ELSPBP1: variants seen among roughly 807,000 people sequenced by gnomAD.
ELSPBP1 encodes epididymal sperm-binding protein 1.
ELSPBP1 carries 38 observed loss-of-function variants against 33.3 expected under a neutral mutation model. That is an observed-to-expected ratio of 1.14 (90% confidence interval 0.88 to 1.50). The LOEUF (loss-of-function observed/expected upper bound fraction) is 1.50. Among genes scored for constraint, ELSPBP1 ranks in the 40% most tolerant of loss-of-function variants. The pLI, the probability that ELSPBP1 is intolerant of heterozygous loss-of-function variation, is 0.00. For synonymous variants in ELSPBP1, 85 were observed against 94.1 expected (o/e 0.90, Z 0.56); for missense variants, 267 against 263.5 (o/e 1.01, Z -0.09).
At position 48,014,284 on chromosome 19, in the gene ELSPBP1, C is replaced by T; in HGVS notation, c.184C>T (p.Gln62Ter). 6.2e-7 allele frequency: 1 copy of T among 1,613,722 alleles called. No homozygotes were observed. The highest frequency in any genetic ancestry group is 8.5e-7 in the Non-Finnish European group (1 of 1,179,972). Residue 62 changes from glutamine (Q) to a stop codon, truncating the protein, a stop_gained, in exon 3 of 7, where the codon CAG (glutamine) becomes TAG (stop). Coordinates refer to ENST00000339841, the MANE Select transcript of ELSPBP1 (RefSeq NM_022142.5). LOFTEE classifies it high-confidence loss of function. ...TGCCACCAGAGCCGTGTACAACGGC[C>T]AGTGGAAGTACTGCCAGAGTGAAGG... Reference protein sequence around the residue: ...WCATRAVYNGQWKYCQSEDYP... With the variant: ...WCATRAVYNG
At chr19:48,020,539 A>G (rs142824532) in intron 5 of ELSPBP1, among the ~76,000 whole-genome samples, 4 of 152,304 alleles carry the variant, frequency 2.6e-5, no homozygotes, top group Non-Finnish European at 5.9e-5. Context: ...CAGAAGCGTC[A>G]TGAGTGTCGA....
chr19:48,015,541 C>T (rs1459659766), intron 3 of ELSPBP1, among the ~76,000 whole-genome samples: 3 of 151,956 alleles, frequency 2.0e-5, no homozygotes, highest in Non-Finnish European at 1.5e-5. Context: ...ATCTGTAATC[C>T]CAGCTACTCG....
intron 2 of ELSPBP1, 45 bp from the exon 3 acceptor site, chr19:48,014,126 C>A: frequency 6.3e-7 from 1 of 1,598,050 alleles, no homozygotes; most frequent in Non-Finnish European, 8.5e-7. Flanking sequence ...TTTGCTAATT[C>A]ATCGTGATTC....
chr19:48,016,455 C>T lies in ELSPBP1; in HGVS notation c.355+416C>T, dbSNP rs975035366. Among the ~76,000 whole-genome samples the T allele has an allele frequency of 2.4e-5, 3 of 122,566 alleles. 1 individual carries two copies. The South Asian group carries it at 9.0e-4, about 37-fold the overall frequency. 80.4% of individuals were successfully genotyped at this position (122,566 alleles called of 152,430 possible). On this transcript the variant is annotated intron_variant, in intron 4 of 6. Transcript: ENST00000339841. ...TCCTCCCTCCCTCCCTTTTCTCTTT[C>T]TTTTCTTTCCTTCTTTCTTTCTTTC...
intron 1 of ELSPBP1, among the ~76,000 whole-genome samples, chr19:48,008,173 AAC>A (rs946846175): frequency 6.6e-6 from 1 of 152,072 alleles, no homozygotes; most frequent in African/African-American, 2.4e-5. Flanking sequence ...CACATGTAGA[AAC>A]ACACACACAT....
In ELSPBP1 at chr19:48,011,269, A is replaced by G. The variant is rs945441069; in HGVS notation, c.70+2532A>G. On this transcript the variant is annotated intron_variant, in intron 2 of 6. Coordinates refer to ENST00000339841, the MANE Select transcript of ELSPBP1 (RefSeq NM_022142.5). This position sits in a 1 kb window ranked among gnomAD's most constrained non-coding sequence, Gnocchi z 4.5. ...GACAATGATTGATAATGATGATGACAATGACGATGATGATCACCATGATAA... is the reference window on the plus strand; with the variant it reads ...GACAATGATTGATAATGATGATGACGATGACGATGATGATCACCATGATAA... 8.6e-5 allele frequency among the ~76,000 whole-genome samples: 13 copies of G among 151,876 alleles called. No homozygotes were observed. Among genetic ancestry groups the G allele is most frequent in the Admixed American group, 3.3e-4 (5 of 15,240 alleles).
intron 1 of ELSPBP1, among the ~76,000 whole-genome samples, chr19:48,001,800 A>G (rs1436534036): frequency 6.7e-6 from 1 of 148,724 alleles, no homozygotes; most frequent in East Asian, 2.0e-4. Context: ...CAGTCCTCCC[A>G]CCTCAGCCTC....
chr19:48,003,544 T>G (rs991110274), intron 1 of ELSPBP1, among the ~76,000 whole-genome samples: 2 of 150,036 alleles, frequency 1.3e-5, no homozygotes, highest in East Asian at 3.9e-4. Context: ...CTGCTCTTTT[T>G]TTTTTTTTTT....
chr19:47,994,839 G>A (rs1034187508), intron 1 of ELSPBP1, 28 bp downstream of exon 1: 2 of 152,142 alleles, frequency 1.3e-5, no homozygotes, highest in Non-Finnish European at 2.9e-5. Context: ...AACTTGGGAG[G>A]GTGTGACAAG....
At chr19:48,020,028 A>G (rs1967183308) in intron 5 of ELSPBP1, 151 bp downstream of exon 5, 2 of 797,616 alleles carry the variant, frequency 2.5e-6, no homozygotes, top group African/African-American at 3.5e-5. Context: ...CTGGCTCACG[A>G]ATAATGTCAA....
chr19:48,009,320 G>GC (rs1302493051), intron 2 of ELSPBP1, among the ~76,000 whole-genome samples: 2 of 152,224 alleles, frequency 1.3e-5, no homozygotes, highest in African/African-American at 4.8e-5. Context: ...ATGGGCACCA[G>GC]CATCTTTCAT....
At chr19:48,019,680 C>G (rs1600111732) in intron 4 of ELSPBP1, 39 bp from the exon 5 acceptor site, 1 of 1,584,312 alleles carries the variant, frequency 6.3e-7, no homozygotes. Context: ...CTTTTCATCT[C>G]CTCTTCTTGA....
intron 2 of ELSPBP1, among the ~76,000 whole-genome samples, chr19:48,009,944 T>C (rs1052587756): frequency 1.3e-5 from 2 of 152,162 alleles, no homozygotes; most frequent in Non-Finnish European, 2.9e-5. Context: ...GCTTTTAGCT[T>C]GTAGACAAGT....
At chr19:48,007,678 C>T (rs536962000) in intron 1 of ELSPBP1, among the ~76,000 whole-genome samples, 2 of 152,214 alleles carry the variant, frequency 1.3e-5, no homozygotes, top group African/African-American at 4.8e-5. Context: ...GAAGGACTTT[C>T]GTCTCCAGCT....
At chr19:47,997,637 T>C (rs561913151) in intron 1 of ELSPBP1, among the ~76,000 whole-genome samples, 1 of 152,230 alleles carries the variant, frequency 6.6e-6, no homozygotes, top group African/African-American at 2.4e-5. Flanking sequence ...TCCAGGCTGG[T>C]CTCAAATTCC....
At chr19:48,024,024 C>T (rs1967243386) in intron 6 of ELSPBP1, among the ~76,000 whole-genome samples, 1 of 143,742 alleles carries the variant, frequency 7.0e-6, no homozygotes, top group Non-Finnish European at 1.5e-5. Flanking sequence ...GGGTGTGCCA[C>T]CATGCCCAGC....
intron 1 of ELSPBP1, among the ~76,000 whole-genome samples, chr19:48,000,621 G>A (rs759124523): frequency 5.3e-5 from 8 of 152,120 alleles, no homozygotes; most frequent in South Asian, 4.1e-4. Flanking sequence ...AAGGTCACAC[G>A]GATGAGCAGA....
chr19:48,011,689 CTGA>C lies in ELSPBP1; in HGVS notation c.71-2471_71-2469del, dbSNP rs536183936. Among the ~76,000 whole-genome samples the C allele has an allele frequency of 2.2e-4, 33 of 151,544 alleles. No homozygotes were observed. In the South Asian group the frequency reaches 5.7e-3, roughly 26 times the overall value. On this transcript the variant is annotated intron_variant, in intron 2 of 6. Coordinates refer to ENST00000339841, the MANE Select transcript of ELSPBP1 (RefSeq NM_022142.5). The surrounding 1 kb of genome is among the most constrained non-coding windows in gnomAD (Gnocchi z 4.5). ...ATGAGACTGATGATGGTGACAATGA[CTGA>C]TGATGATGATCATGACAATGATGAT...
intron 3 of ELSPBP1, 122 bp downstream of exon 3, chr19:48,014,430 G>C (rs555574101): frequency 9.7e-7 from 1 of 1,028,326 alleles, no homozygotes. Context: ...GTATGCGTGC[G>C]TAGAAAAGGC....
Sources: allele counts gnomAD v4.1 joint callset (sites outside exome capture counted in the v4.1 genomes callset), GRCh38; gene constraint gnomAD v4.1.1; non-coding constraint Gnocchi (gnomAD v3.1); transcripts MANE v1.5; gene names NCBI Gene and HGNC (gene_info 2026-07-23, HGNC 2026-07-21).